Variants in DTX1 observed in about 807,000 individuals in gnomAD.
DTX1 encodes the protein E3 ubiquitin-protein ligase DTX1.
In DTX1, 26 loss-of-function variants were observed where a neutral mutation model predicts 57.8. The observed-to-expected ratio is 0.45, with a 90% CI of 0.33 to 0.62. The LOEUF (loss-of-function observed/expected upper bound fraction) is 0.62, where lower values mean the gene tolerates loss of function less well. Among genes scored for constraint, DTX1 ranks in the 20% least tolerant of loss-of-function variants. DTX1 has a pLI of 0.02. For synonymous variants in DTX1, 398 were observed against 394.1 expected (o/e 1.01, Z -0.12); for missense variants, 704 against 895.3 (o/e 0.79, Z 2.73).
At chr12:113,071,764 G>A (rs868659276) in intron 2 of DTX1, among the ~76,000 whole-genome samples, 1 of 152,260 alleles carries the variant, frequency 6.6e-6, no homozygotes, top group South Asian at 2.1e-4. Context: ...AGCCTGGGCC[G>A]GAGAGGCGGA....
intron 6 of DTX1, among the ~76,000 whole-genome samples, chr12:113,094,586 T>TA (rs1950272039): frequency 6.7e-6 from 1 of 150,328 alleles, no homozygotes. Context: ...TAAAAATAAA[T>TA]AAATAAAATA....
intron 8 of DTX1, 49 bp downstream of exon 8, chr12:113,095,252 A>G: frequency 6.2e-7 from 1 of 1,607,230 alleles, no homozygotes; most frequent in East Asian, 2.2e-5. Flanking sequence ...CACCCCTCCA[A>G]CTCCTCCAGA....
intron 3 of DTX1, among the ~76,000 whole-genome samples, chr12:113,087,329 A>G (rs149657393): frequency 1.2e-3 from 176 of 152,330 alleles, no homozygotes; most frequent in African/African-American, 4.0e-3. Flanking sequence ...TTGTCTAGGC[A>G]GACGGAGGTG....
chr12:113,079,514 T>A, intron 3 of DTX1, among the ~76,000 whole-genome samples: 3 of 114,392 alleles, frequency 2.6e-5, no homozygotes, highest in Non-Finnish European at 1.7e-5. Context: ...TGGCCACTTC[T>A]CTTTTTTTTT....
At chr12:113,075,668 T>C (rs1368353452) in intron 2 of DTX1, among the ~76,000 whole-genome samples, 2 of 152,210 alleles carry the variant, frequency 1.3e-5, no homozygotes, top group African/African-American at 4.8e-5. Flanking sequence ...AAAGCCTCAG[T>C]GCCCTCCTTT....
At position 113,093,280 on chromosome 12, in the gene DTX1, C is replaced by T; in HGVS notation, c.1003+57C>T. ...CGGGGCCCACTAGGAGGCAGCTCCG[C>T]CTGTCACCCGGTGACCCCGCCCCCG... On this transcript the variant is annotated intron_variant, in intron 4 of 9. Coordinates refer to ENST00000548759, the MANE Select transcript of DTX1 (RefSeq NM_004416.3). The surrounding 1 kb of genome is among the most constrained non-coding windows in gnomAD (Gnocchi z 4.2). The T allele has an allele frequency of 6.5e-7, 1 of 1,535,662 alleles. No individual in the cohort carries two copies. Among genetic ancestry groups the T allele is most frequent in the Non-Finnish European group, 8.8e-7 (1 of 1,136,506 alleles).
Position 113,096,822 on chromosome 12 carries a change from C to T in DTX1, c.1746C>T (p.His582=), listed in dbSNP as rs1457142958. ...CCGTGGTGTGGAACGAGATCCACCACAAGACCGAGTTTGGATCCAACCTCA... is the reference window on the plus strand; with the variant it reads ...CCGTGGTGTGGAACGAGATCCACCATAAGACCGAGTTTGGATCCAACCTCA... ...SDTVVWNEIH[H]KTEFGSNLTG... is the part of the protein sequence containing the mutation. The change falls in exon 10 of 10, where the codon CAC becomes CAT. Residue 582 remains histidine (H), a synonymous_variant. Transcript: ENST00000548759. 6.2e-7 allele frequency: 1 copy of T among 1,614,012 alleles called. No homozygotes were observed. Among genetic ancestry groups the T allele is most frequent in the Non-Finnish European group, 8.5e-7 (1 of 1,180,044 alleles).
chr12:113,088,882 G>T (rs1950226042), intron 3 of DTX1, among the ~76,000 whole-genome samples: 2 of 152,082 alleles, frequency 1.3e-5, no homozygotes, highest in African/African-American at 4.8e-5. Context: ...GGGTGTGGTG[G>T]TGTGTGCCAG....
Position 113,077,333 on chromosome 12 carries a change from C to A in DTX1, c.260-91C>A. 5.0e-4 allele frequency: 550 copies of A among 1,110,168 alleles called. No individual in the cohort carries two copies. Among genetic ancestry groups the A allele is most frequent in the Non-Finnish European group, 5.0e-4 (404 of 809,828 alleles). 68.8% of individuals were successfully genotyped at this position (1,110,168 alleles called of 1,614,324 possible). A position where few individuals can be genotyped will look rare whatever the true frequency, so the allele number is the denominator to read the frequency against. On this transcript the variant is annotated intron_variant, in intron 2 of 9. Transcript: ENST00000548759. The surrounding 1 kb of genome is among the most constrained non-coding windows in gnomAD (Gnocchi z 7.8). ...GAGGCCTGTGCTGACCCCCCAACCTCCCGCCCACCCTTGCCTGGCTGTGGC... is the reference window on the plus strand; with the variant it reads ...GAGGCCTGTGCTGACCCCCCAACCTACCGCCCACCCTTGCCTGGCTGTGGC...
intron 9 of DTX1, among the ~76,000 whole-genome samples, chr12:113,096,204 CAA>C (rs780078089): frequency 7.0e-6 from 1 of 142,964 alleles, no homozygotes. Context: ...GACTCCATCA[CAA>C]AAAAAAAAAC....
chr12:113,079,615 C>T (rs1488913706), intron 3 of DTX1, among the ~76,000 whole-genome samples: 2 of 143,728 alleles, frequency 1.4e-5, no homozygotes, highest in African/African-American at 5.3e-5. Flanking sequence ...GCAACTTCTG[C>T]CTCCAGGGTT....
At chr12:113,059,995 C>G (rs981775929) in intron 2 of DTX1, among the ~76,000 whole-genome samples, 1 of 152,102 alleles carries the variant, frequency 6.6e-6, no homozygotes, top group African/African-American at 2.4e-5. Context: ...GGAGGCCAGC[C>G]TTTCTAACTA....
rs757104501 is a variant in DTX1 at position 113,058,283 on chromosome 12, C to T, written c.91C>T (p.Leu31=). ...NVARVVVWEW[L]NEHSRWRPYT... is the part of the protein sequence containing the mutation. Reference sequence around the variant, plus strand: ...GGCCCGGGTGGTGGTGTGGGAGTGGCTGAATGAGCACAGCCGCTGGCGGCC... The same window carrying T: ...GGCCCGGGTGGTGGTGTGGGAGTGGTTGAATGAGCACAGCCGCTGGCGGCC... The change falls in exon 2 of 10, where the codon CTG becomes TTG. Residue 31 remains leucine, a synonymous_variant. Coordinates refer to ENST00000548759, the MANE Select transcript of DTX1 (RefSeq NM_004416.3). 3 of 1,613,700 alleles carry T rather than the reference C, an allele frequency of 1.9e-6. No individual in the cohort carries two copies. Among genetic ancestry groups the T allele is most frequent in the Admixed American group, 1.7e-5 (1 of 60,020 alleles).
At position 113,094,707 on chromosome 12, in the gene DTX1, T is replaced by G. The variant is rs147043615; in HGVS notation, c.1228-82T>G. The stretch of plus-strand genomic sequence containing the variant: ...CAGAGAGAGTGTGGTCTGCTGCCTA[T>G]GGTGACCCACCAAGGGGCAGTGCTG... On this transcript the variant is annotated intron_variant, in intron 6 of 9. Coordinates refer to ENST00000548759, the MANE Select transcript of DTX1 (RefSeq NM_004416.3). 5.8e-4 allele frequency: 891 copies of G among 1,524,896 alleles called. 6 individuals carry two copies. In the African/African-American group the frequency reaches 0.011, roughly 19 times the overall value. The allele number at this position is 1,524,896 out of a possible 1,614,324, so 94.5% of individuals were successfully genotyped here.
chr12:113,071,673 C>T (rs1041535347), intron 2 of DTX1, among the ~76,000 whole-genome samples: 1 of 152,254 alleles, frequency 6.6e-6, no homozygotes, highest in Non-Finnish European at 1.5e-5. Flanking sequence ...TCCACCACTG[C>T]TCCCTTAGAA....
Position 113,059,868 on chromosome 12 carries a change from A to C in DTX1, c.259+1417A>C, listed in dbSNP as rs1208857943. On this transcript the variant is annotated intron_variant, in intron 2 of 9. Transcript: ENST00000548759. ...ATGTAAAATCCAGTTCTTCAGTCTCACTAGCCACACTTCAAGTGCTCATAG... is the reference window on the plus strand; with the variant it reads ...ATGTAAAATCCAGTTCTTCAGTCTCCCTAGCCACACTTCAAGTGCTCATAG... Among the ~76,000 whole-genome samples the C allele has an allele frequency of 3.9e-5, 6 of 152,348 alleles. No individual in the cohort carries two copies. In the South Asian group the frequency reaches 1.2e-3, roughly 32 times the overall value.
At chr12:113,086,138 C>T (rs1017868894) in intron 3 of DTX1, among the ~76,000 whole-genome samples, 63 of 151,748 alleles carry the variant, frequency 4.2e-4, no homozygotes, top group African/African-American at 1.4e-3. Flanking sequence ...TGCGGTGGTG[C>T]GTGCCTGTAG....
chr12:113,057,948 G>C lies in DTX1; in HGVS notation c.-245G>C, dbSNP rs535497212. 1 of 598,458 alleles carries C rather than the reference G, an allele frequency of 1.7e-6. No homozygotes were observed. The highest frequency in any genetic ancestry group is 1.8e-5 in the African/African-American group (1 of 54,184). 37.1% of individuals were successfully genotyped at this position (598,458 alleles called of 1,614,324 possible). ...TTCCTCCGGCATAAGAGAGACACTT[G>C]CTTTCCAGGGCAGCACCCTTTATCG... On this transcript the variant is annotated 5_prime_UTR_variant, in exon 2 of 10. Transcript: ENST00000548759.
At chr12:113,072,598 A>T (rs911084457) in intron 2 of DTX1, among the ~76,000 whole-genome samples, 4 of 151,202 alleles carry the variant, frequency 2.6e-5, no homozygotes, top group Non-Finnish European at 5.9e-5. Context: ...TTCCCCAGTA[A>T]TTCTTTGGGG....
Sources: allele counts gnomAD v4.1 joint callset (sites outside exome capture counted in the v4.1 genomes callset), GRCh38; gene constraint gnomAD v4.1.1; non-coding constraint Gnocchi (gnomAD v3.1); transcripts MANE v1.5; gene names NCBI Gene and HGNC (gene_info 2026-07-23, HGNC 2026-07-21).